NSUN2: variants seen among roughly 807,000 people sequenced by gnomAD.
NSUN2 encodes RNA cytosine C(5)-methyltransferase NSUN2.
Under a neutral mutation model 92.7 loss-of-function variants are expected in NSUN2, and 63 were observed. The observed-to-expected ratio is 0.68, with a 90% CI of 0.56 to 0.84. NSUN2 has a LOEUF of 0.84. Among genes scored for constraint, NSUN2 ranks in the 40% least tolerant of loss-of-function variants. NSUN2 has a pLI of 0.00. For synonymous variants in NSUN2, 356 were observed against 348.3 expected, an observed-to-expected ratio of 1.02 and a Z score of -0.25; for missense variants, 989 against 964.9, an observed-to-expected ratio of 1.02 and a Z score of -0.33.
At chr5:6,610,901 G>C (rs1205328684) in intron 11 of NSUN2, 54 bp downstream of exon 11, 4 of 1,602,884 alleles carry the variant, frequency 2.5e-6, no homozygotes, top group Non-Finnish European at 3.4e-6. Flanking sequence ...CAGCTCACCA[G>C]GGATGGGGCT....
chr5:6,613,669 A>G (rs1737091049), intron 9 of NSUN2, among the ~76,000 whole-genome samples: 1 of 152,226 alleles, frequency 6.6e-6, no homozygotes, highest in African/African-American at 2.4e-5. Context: ...AAAGGTAAGT[A>G]TCTGAAAGCA....
At chr5:6,621,096 G>A (rs1738125178) in intron 6 of NSUN2, 1 of 152,186 alleles carries the variant, frequency 6.6e-6, no homozygotes, top group Non-Finnish European at 1.5e-5. Context: ...CCTGAACAAA[G>A]ATAGGACGAG....
chr5:6,609,999 A>C (rs1736923467), intron 11 of NSUN2, 77 bp from the exon 12 acceptor site: 12 of 954,516 alleles, frequency 1.3e-5, no homozygotes, highest in South Asian at 8.5e-5. Flanking sequence ...AATACCGCAA[A>C]GATGATACAA....
In NSUN2 at chr5:6,599,835, A is replaced by G; in HGVS notation, c.*91T>C. On this transcript the variant is annotated 3_prime_UTR_variant, in exon 19 of 19. Transcript: ENST00000264670. ...TAGAAATATATGCTTTACAGGCCAC[A>G]GGCTGCTCTGGATTTGGTTTCAGAC... The G allele has an allele frequency of 8.8e-7, 1 of 1,140,654 alleles. No individual in the cohort carries two copies. The highest frequency in any genetic ancestry group is 1.3e-6 in the Non-Finnish European group (1 of 785,738). 70.7% of individuals were successfully genotyped at this position (1,140,654 alleles called of 1,614,324 possible).
intron 1 of NSUN2, 63 bp from the exon 2 acceptor site, chr5:6,632,819 C>G: frequency 6.4e-7 from 1 of 1,570,606 alleles, no homozygotes; most frequent in Non-Finnish European, 8.6e-7. Flanking sequence ...CGCCGCCTCG[C>G]AGGCCTCGGG....
rs767166292 is a variant in NSUN2 at position 6,622,024 on chromosome 5, G to A, written c.614C>T (p.Pro205Leu). 3.1e-6 allele frequency: 5 copies of A among 1,613,532 alleles called. No homozygotes were observed. The highest frequency in any genetic ancestry group is 2.5e-6 in the Non-Finnish European group (3 of 1,179,580). The change falls in exon 6 of 19, where the codon CCC becomes CTC. Residue 205 changes from proline to leucine, a missense_variant. This residue lies in a region of NSUN2 where 356 missense variants were observed against 338.6 expected (regional missense o/e 1.05). Transcript: ENST00000264670. ...ACAAGTCCAATGCATACCTGGAAAG[G>A]GGACATTCATGTCGGCATGTAGCAT... ...IEMLHADMNV[P>L]FPEGFVIAND...
intron 17 of NSUN2, among the ~76,000 whole-genome samples, chr5:6,602,964 T>C (rs1261605528): frequency 2.6e-5 from 4 of 152,352 alleles, no homozygotes; most frequent in South Asian, 4.1e-4. Flanking sequence ...ATCTCTACTT[T>C]AAATTGTGGT....
chr5:6,612,600 A>G (rs1458983226), intron 9 of NSUN2, among the ~76,000 whole-genome samples: 1 of 152,234 alleles, frequency 6.6e-6, no homozygotes, highest in Non-Finnish European at 1.5e-5. Flanking sequence ...CAAATCTCCC[A>G]GAAAACATGA....
chr5:6,626,423 G>A (rs748692720), intron 3 of NSUN2, among the ~76,000 whole-genome samples: 21 of 151,696 alleles, frequency 1.4e-4, no homozygotes, highest in Non-Finnish European at 2.8e-4. Context: ...AGGCTGGAGT[G>A]TAGTGGTGTA....
intron 3 of NSUN2, among the ~76,000 whole-genome samples, chr5:6,626,132 T>G (rs1031431512): frequency 3.9e-5 from 6 of 152,262 alleles, no homozygotes; most frequent in Admixed American, 3.9e-4. Flanking sequence ...ATATTTTTCA[T>G]TATTTCTAAC....
intron 9 of NSUN2, 75 bp downstream of exon 9, chr5:6,616,652 C>T (rs1053911546): frequency 3.1e-5 from 5 of 161,406 alleles, no homozygotes; most frequent in East Asian, 1.8e-4. Context: ...GTAAACCTCA[C>T]GTTATGTGTA....
Position 6,609,870 on chromosome 5 carries a change from A to C in NSUN2, c.1279T>G (p.Leu427Val), listed in dbSNP as rs754622637. Residue 427 changes from leucine (L) to valine (V), a missense_variant, in exon 12 of 19, where the codon TTG (leucine) becomes GTG (valine). Coordinates refer to ENST00000264670, the MANE Select transcript of NSUN2 (RefSeq NM_017755.6). ...QNTGGFFVAV[L>V]VKKSSMPWNK... Reference sequence around the variant, plus strand: ...CACGGCATTGAAGATTTTTTCACCAATACTGCCACAAAAAACCCTCCAGTA... The same window carrying C: ...CACGGCATTGAAGATTTTTTCACCACTACTGCCACAAAAAACCCTCCAGTA... The C allele has an allele frequency of 6.2e-7, 1 of 1,613,934 alleles. No homozygotes were observed. Among genetic ancestry groups the C allele is most frequent in the Non-Finnish European group, 8.5e-7 (1 of 1,179,934 alleles).
chr5:6,620,024 A>C (rs770660997), intron 7 of NSUN2, 82 bp downstream of exon 7: 2 of 1,207,394 alleles, frequency 1.7e-6, no homozygotes, highest in Non-Finnish European at 2.3e-6. Flanking sequence ...ATTGTGTCAT[A>C]TTCATGCACA....
At chr5:6,603,544 A>G (rs1438194693) in intron 17 of NSUN2, among the ~76,000 whole-genome samples, 5 of 152,100 alleles carry the variant, frequency 3.3e-5, no homozygotes, top group Non-Finnish European at 7.4e-5. Context: ...ACAAAAAATT[A>G]GCTGGGCGTG....
chr5:6,616,952 T>C, intron 8 of NSUN2, 95 bp from the exon 9 acceptor site: 1 of 1,120,106 alleles, frequency 8.9e-7, no homozygotes, highest in Non-Finnish European at 1.2e-6. Context: ...ATTACAAGCT[T>C]TTATAACACA....
chr5:6,607,843 T>G lies in NSUN2; in HGVS notation c.1324-459A>C, dbSNP rs537214705. Reference sequence around the variant, plus strand: ...CACCTGGACAAACTGCCACAGGAACTGGGAGAAAGAGAGAGTGCCCCAGGC... The same window carrying G: ...CACCTGGACAAACTGCCACAGGAACGGGGAGAAAGAGAGAGTGCCCCAGGC... On this transcript the variant is annotated intron_variant, in intron 12 of 18. Coordinates refer to ENST00000264670, the MANE Select transcript of NSUN2 (RefSeq NM_017755.6). Among the ~76,000 whole-genome samples, 12 of 152,298 alleles carry G rather than the reference T, an allele frequency of 7.9e-5. No homozygotes were observed. The East Asian group carries it at 2.1e-3, about 27-fold the overall frequency.
intron 2 of NSUN2, 51 bp downstream of exon 2, chr5:6,632,548 C>G (rs1020648278): frequency 2.5e-6 from 4 of 1,595,798 alleles, no homozygotes; most frequent in Non-Finnish European, 3.4e-6. Flanking sequence ...TCGCCTTTAA[C>G]CTCCAGCATC....
intron 5 of NSUN2, among the ~76,000 whole-genome samples, 164 bp downstream of exon 5, chr5:6,623,050 A>G (rs2126500904): frequency 6.6e-6 from 1 of 151,294 alleles, no homozygotes; most frequent in South Asian, 2.1e-4. Flanking sequence ...AAAAGAAAAA[A>G]AAAAAAAAAA....
At position 6,605,413 on chromosome 5, in the gene NSUN2, A is replaced by G; in HGVS notation, c.1602-5T>C. On this transcript the variant is annotated splice_polypyrimidine_tract_variant and splice_region_variant and intron_variant, in intron 14 of 18. Coordinates refer to ENST00000264670, the MANE Select transcript of NSUN2 (RefSeq NM_017755.6). ...GGATCCAAAGCATAAAATTTCCTGT[A>G]CATAACAACATTGTTGTTTATCCAC... 6.2e-7 allele frequency: 1 copy of G among 1,613,480 alleles called. No individual in the cohort carries two copies. Among genetic ancestry groups the G allele is most frequent in the Non-Finnish European group, 8.5e-7 (1 of 1,179,758 alleles).
Sources: allele counts gnomAD v4.1 joint callset (sites outside exome capture counted in the v4.1 genomes callset), GRCh38; gene constraint gnomAD v4.1.1; regional missense constraint gnomAD v4.1.1; transcripts MANE v1.5; gene names NCBI Gene and HGNC (gene_info 2026-07-23, HGNC 2026-07-21).